Variants in MCTP2 observed in about 807,000 individuals in gnomAD.
MCTP2 encodes the protein multiple C2 and transmembrane domain containing 2.
In MCTP2, 132 loss-of-function variants were observed where a neutral mutation model predicts 111.6. That is an observed-to-expected ratio of 1.18 (90% confidence interval 1.03 to 1.37). The LOEUF is 1.37. Ranked by LOEUF, MCTP2 falls within the 40% of genes most tolerant of loss-of-function variation. MCTP2 has a pLI of 0.00. For synonymous variants in MCTP2, 395 were observed against 387.7 expected (o/e 1.02, Z -0.22); for missense variants, 1,183 against 1,067.9 (o/e 1.11, Z -1.50).
At chr15:94,390,739 T>TTTTC (rs1175841313) in intron 14 of MCTP2, among the ~76,000 whole-genome samples, 2 of 146,346 alleles carry the variant, frequency 1.4e-5, no homozygotes, top group Non-Finnish European at 3.0e-5. Context: ...TTTTTTTTTT[T>TTTTC]TTTTTTTTGG....
At position 94,479,023 on chromosome 15, in the gene MCTP2, A is replaced by G. The variant is rs763958805; in HGVS notation, c.2626A>G (p.Ser876Gly). The part of the protein sequence containing the change: ...SSHSPLRKKR[S>G]AL The stretch of plus-strand genomic sequence containing the variant: ...CCACAGCCCCCTGCGGAAGAAGCGC[A>G]GCGCTCTCTAGGGCACACACCGACT... Residue 876 changes from serine (S) to glycine (G), a missense_variant, in exon 23 of 23, where the codon AGC becomes GGC. By Grantham distance (56) the Ser-to-Gly change is moderately conservative (BLOSUM62 0). Coordinates refer to ENST00000357742, the MANE Select transcript of MCTP2 (RefSeq NM_001385001.1). The G allele has an allele frequency of 6.8e-6, 11 of 1,613,958 alleles. No individual in the cohort carries two copies. The highest frequency in any genetic ancestry group is 2.2e-5 in the South Asian group (2 of 91,094).
intron 8 of MCTP2, among the ~76,000 whole-genome samples, chr15:94,345,878 G>A (rs917775537): frequency 6.6e-6 from 1 of 152,020 alleles, no homozygotes; most frequent in Non-Finnish European, 1.5e-5. Context: ...TAATTCCTAC[G>A]AAATGATGCA....
At chr15:94,464,092 G>C (rs565288227) in intron 20 of MCTP2, among the ~76,000 whole-genome samples, 1 of 150,380 alleles carries the variant, frequency 6.6e-6, no homozygotes, top group Non-Finnish European at 1.5e-5. Context: ...AGGTCAGGTA[G>C]GTTCTCTGTC....
At chr15:94,296,937 A>T (rs1453034747) in intron 1 of MCTP2, among the ~76,000 whole-genome samples, 2 of 152,182 alleles carry the variant, frequency 1.3e-5, no homozygotes, top group African/African-American at 4.8e-5. Context: ...TAGCAGGCAA[A>T]TGGCTGCACA....
rs186749541 is a variant in MCTP2, at chr15:94,323,541, G to A, written c.637+7904G>A. Among the ~76,000 whole-genome samples the A allele has an allele frequency of 6.5e-3, 989 of 152,328 alleles. 5 individuals carry two copies. The highest frequency in any genetic ancestry group is 0.011 in the Non-Finnish European group (742 of 68,026). ...TTCCAGTTCTTCAAGAATTTCCTTT[G>A]AATCTTTGGCATGTGGGCCTTCAGC... is the stretch of plus-strand genomic sequence containing the variant. On this transcript the variant is annotated intron_variant, in intron 4 of 22. Coordinates refer to ENST00000357742, the MANE Select transcript of MCTP2 (RefSeq NM_001385001.1).
intron 1 of MCTP2, among the ~76,000 whole-genome samples, chr15:94,245,140 T>G (rs952790473): frequency 2.7e-5 from 4 of 148,470 alleles, no homozygotes; most frequent in Non-Finnish European, 6.0e-5. Flanking sequence ...GTGTATATAT[T>G]TATACACACA....
Position 94,449,056 on chromosome 15 carries a change from C to A in MCTP2, c.2250+6096C>A, listed in dbSNP as rs536983685. The stretch of plus-strand genomic sequence containing the variant: ...TCCATCTCAAAATAAATAAATAAAT[C>A]CCTGATCTGTTTTACTGTGACTCAC... On this transcript the variant is annotated intron_variant, in intron 19 of 22. Coordinates refer to ENST00000357742, the MANE Select transcript of MCTP2 (RefSeq NM_001385001.1). Among the ~76,000 whole-genome samples the A allele has an allele frequency of 3.3e-5, 5 of 152,084 alleles. No homozygotes were observed. In the East Asian group the frequency reaches 9.7e-4, roughly 29 times the overall value.
chr15:94,333,140 C>T (rs2077204770), intron 4 of MCTP2, among the ~76,000 whole-genome samples: 1 of 152,086 alleles, frequency 6.6e-6, no homozygotes, highest in South Asian at 2.1e-4. Context: ...GAGTCTGAGG[C>T]AGGAGAATTG....
rs1384462269 is a variant in MCTP2, at chr15:94,457,573, T to C, written c.2251-564T>C. On this transcript the variant is annotated intron_variant, in intron 19 of 22. Coordinates refer to ENST00000357742, the MANE Select transcript of MCTP2 (RefSeq NM_001385001.1). ...TGCACTGTGGGGTTACTTTGTAGCA[T>C]GTCCACAGCTGCTTGCTTTGTTTCT... Among the ~76,000 whole-genome samples, 3 of 152,212 alleles carry C rather than the reference T, an allele frequency of 2.0e-5. No homozygotes were observed. The East Asian group carries it at 5.8e-4, about 29-fold the overall frequency.
At position 94,482,235 on chromosome 15, in the gene MCTP2, C is replaced by T. The variant is rs2152551152; in HGVS notation, c.*3201C>T. ...CTCAGATTTAAGTTTGAAAAATATTCTAGCTGCAATGGATAGCCTAGCAAT... is the reference window on the plus strand; with the variant it reads ...CTCAGATTTAAGTTTGAAAAATATTTTAGCTGCAATGGATAGCCTAGCAAT... On this transcript the variant is annotated 3_prime_UTR_variant, in exon 23 of 23. Transcript: ENST00000357742. The T allele has an allele frequency of 6.6e-6, 1 of 152,280 alleles. No individual in the cohort carries two copies. Among genetic ancestry groups the T allele is most frequent in the East Asian group, 1.9e-4 (1 of 5,184 alleles). The allele number at this position is 152,280 out of a possible 1,614,324, so 9.4% of individuals were successfully genotyped here.
chr15:94,433,947 G>A (rs11629840), intron 17 of MCTP2, among the ~76,000 whole-genome samples: 26,531 of 151,998 alleles, frequency 0.17, 2,953 homozygotes, highest in South Asian at 0.29. Context: ...ATATTGAGTC[G>A]TCTTATTAAA....
At chr15:94,330,071 G>A (rs2077062324) in intron 4 of MCTP2, among the ~76,000 whole-genome samples, 1 of 152,160 alleles carries the variant, frequency 6.6e-6, no homozygotes, top group African/African-American at 2.4e-5. Context: ...TTCTATGCCT[G>A]GCTTATTTCA....
chr15:94,267,573 C>T (rs573099018), intron 1 of MCTP2, among the ~76,000 whole-genome samples: 1 of 150,292 alleles, frequency 6.7e-6, no homozygotes, highest in East Asian at 2.0e-4. Flanking sequence ...TCTTAAACTC[C>T]TGTGAGATTG....
chr15:94,413,231 A>T (rs979282078), intron 17 of MCTP2, among the ~76,000 whole-genome samples: 1 of 152,180 alleles, frequency 6.6e-6, no homozygotes, highest in Admixed American at 6.6e-5. Context: ...TCAGCAATTT[A>T]TTTTTAATTT....
At chr15:94,304,873 T>A (rs78651520) in intron 2 of MCTP2, among the ~76,000 whole-genome samples, 3,780 of 152,266 alleles carry the variant, frequency 0.025, 70 homozygotes, top group Non-Finnish European at 0.037. Flanking sequence ...GTCCAAACTT[T>A]TATTGAGGCT....
intron 21 of MCTP2, among the ~76,000 whole-genome samples, chr15:94,470,838 A>G (rs1457805960): frequency 2.0e-5 from 3 of 152,156 alleles, no homozygotes; most frequent in Non-Finnish European, 4.4e-5. Flanking sequence ...GGCCACTACC[A>G]GGTTGCTTCT....
chr15:94,352,561 CA>C (rs2078363655), intron 8 of MCTP2, among the ~76,000 whole-genome samples: 1 of 152,162 alleles, frequency 6.6e-6, no homozygotes, highest in Admixed American at 6.5e-5. Flanking sequence ...AAATTAGGGT[CA>C]GGGGCCCGAA....
At chr15:94,444,892 T>C (rs559001848) in intron 19 of MCTP2, among the ~76,000 whole-genome samples, 1 of 152,264 alleles carries the variant, frequency 6.6e-6, no homozygotes, top group South Asian at 2.1e-4. Context: ...GCTTTAGGAA[T>C]AACGGTGACC....
chr15:94,410,556 AAAG>A (rs1596622489), intron 17 of MCTP2, among the ~76,000 whole-genome samples: 1 of 152,206 alleles, frequency 6.6e-6, no homozygotes, highest in Non-Finnish European at 1.5e-5. Flanking sequence ...AGAAAAAAAA[AAAG>A]AAGAGGTATT....
Sources: gnomAD v4.1 joint callset for allele counts (sites outside exome capture counted in the v4.1 genomes callset) on GRCh38, gnomAD v4.1.1 for gene constraint, MANE v1.5 for transcripts, NCBI Gene and HGNC (gene_info 2026-07-23, HGNC 2026-07-21) for gene names.